Variants in EPB41L4A observed in about 807,000 individuals in gnomAD.
EPB41L4A encodes the protein band 4.1-like protein 4A.
In EPB41L4A, 100 loss-of-function variants were observed where a neutral mutation model predicts 108.6. That is an observed-to-expected ratio of 0.92 (90% CI 0.78 to 1.09). EPB41L4A has a LOEUF of 1.09. Ranked by LOEUF, EPB41L4A falls within the 50% of genes least tolerant of loss-of-function variation. The pLI is 0.00. For synonymous variants in EPB41L4A, 319 were observed against 289.0 expected (o/e 1.10, Z -1.05); for missense variants, 1,030 against 842.7 (o/e 1.22, Z -2.75).
intron 1 of EPB41L4A, among the ~76,000 whole-genome samples, chr5:112,334,335 C>A (rs937512573): frequency 1.3e-5 from 2 of 152,128 alleles, no homozygotes; most frequent in African/African-American, 4.8e-5. Context: ...GGGAAATTTA[C>A]ATTCTGTGTA....
chr5:112,364,042 T>C (rs1430331490), intron 1 of EPB41L4A, among the ~76,000 whole-genome samples: 2 of 152,226 alleles, frequency 1.3e-5, no homozygotes, highest in Admixed American at 1.3e-4. Context: ...CATTCATTTA[T>C]TTTTAGACGG....
intron 2 of EPB41L4A, among the ~76,000 whole-genome samples, chr5:112,282,016 A>G (rs1752995456): frequency 1.3e-5 from 2 of 152,230 alleles, no homozygotes; most frequent in African/African-American, 4.8e-5. Flanking sequence ...AATAAAAACT[A>G]AAATGTTCAT....
intron 1 of EPB41L4A, among the ~76,000 whole-genome samples, chr5:112,326,211 G>A (rs1756149858): frequency 6.6e-6 from 1 of 151,998 alleles, no homozygotes; most frequent in Non-Finnish European, 1.5e-5. Flanking sequence ...TCCACTGACT[G>A]CCTCTCTTTC....
At chr5:112,385,008 G>A (rs1396239444) in intron 1 of EPB41L4A, among the ~76,000 whole-genome samples, 1 of 152,212 alleles carries the variant, frequency 6.6e-6, no homozygotes, top group Non-Finnish European at 1.5e-5. Flanking sequence ...ACTTCAGGAA[G>A]ACACTGGAAG....
At chr5:112,211,434 T>G (rs1762737630) in intron 12 of EPB41L4A, among the ~76,000 whole-genome samples, 1 of 152,020 alleles carries the variant, frequency 6.6e-6, no homozygotes, top group Non-Finnish European at 1.5e-5. Context: ...ATATAAAAAT[T>G]AGCTGGGCAT....
In EPB41L4A at chr5:112,280,407, TAAACAACATTTTAAAACTTGGTC is replaced by T. The variant is rs1302380738; in HGVS notation, c.205-107_205-85del. On this transcript the variant is annotated intron_variant, in intron 2 of 22. Coordinates refer to ENST00000261486, the MANE Select transcript of EPB41L4A (RefSeq NM_022140.5). ...TCAAGAATATTTGCAAAATGTTATTTAAACAACATTTTAAAACTTGGTCAGTTAAACACTTCTCTCATATACAC... is the reference window on the plus strand; with the variant it reads ...TCAAGAATATTTGCAAAATGTTATTTAGTTAAACACTTCTCTCATATACAC... 4 of 1,267,442 alleles carry T rather than the reference TAAACAACATTTTAAAACTTGGTC, an allele frequency of 3.2e-6. No homozygotes were observed. In the African/African-American group the frequency reaches 5.9e-5, roughly 19 times the overall value. 78.5% of individuals were successfully genotyped at this position (1,267,442 alleles called of 1,614,324 possible). A position where few individuals can be genotyped will look rare whatever the true frequency, so the allele number is the denominator to read the frequency against.
intron 2 of EPB41L4A, among the ~76,000 whole-genome samples, chr5:112,289,312 A>G (rs143207847): frequency 6.6e-6 from 1 of 152,310 alleles, no homozygotes; most frequent in East Asian, 1.9e-4. Context: ...TTGCATTTTA[A>G]TCTGATCACC....
Position 112,397,485 on chromosome 5 carries a change from G to C in EPB41L4A, c.99+21456C>G, listed in dbSNP as rs1761438089. On this transcript the variant is annotated intron_variant, in intron 1 of 22. Coordinates refer to ENST00000261486, the MANE Select transcript of EPB41L4A (RefSeq NM_022140.5). ...GCAGAATATCAAGTGCATGTAAAGT[G>C]AGTGGCAGATGCAATATGAATATGA... Among the ~76,000 whole-genome samples the C allele has an allele frequency of 2.0e-5, 3 of 152,228 alleles. No individual in the cohort carries two copies. The South Asian group carries it at 6.2e-4, about 32-fold the overall frequency.
At chr5:112,181,800 C>T (rs1761171992) in intron 18 of EPB41L4A, among the ~76,000 whole-genome samples, 1 of 152,114 alleles carries the variant, frequency 6.6e-6, no homozygotes, top group Non-Finnish European at 1.5e-5. Flanking sequence ...GGACCAGGCG[C>T]AGTGGTGCAC....
intron 22 of EPB41L4A, among the ~76,000 whole-genome samples, chr5:112,168,156 C>T (rs749330694): frequency 1.6e-4 from 24 of 152,148 alleles, no homozygotes; most frequent in South Asian, 4.2e-4. Flanking sequence ...TCATGAGAGG[C>T]GGTATGAAAC....
At chr5:112,353,072 T>C (rs556163546) in intron 1 of EPB41L4A, among the ~76,000 whole-genome samples, 1 of 152,326 alleles carries the variant, frequency 6.6e-6, no homozygotes, top group African/African-American at 2.4e-5. Flanking sequence ...AGTGCCCATA[T>C]GTTTACTTCA....
chr5:112,279,108 T>C (rs1036056558), intron 3 of EPB41L4A, among the ~76,000 whole-genome samples: 2 of 150,916 alleles, frequency 1.3e-5, no homozygotes, highest in African/African-American at 4.9e-5. Context: ...ATTTTTCTGG[T>C]TTTCCAACTG....
intron 19 of EPB41L4A, 146 bp from the exon 20 acceptor site, chr5:112,170,515 T>C: frequency 1.6e-6 from 1 of 610,554 alleles, no homozygotes; most frequent in Non-Finnish European, 2.8e-6. Flanking sequence ...AAACTAAACG[T>C]GTTCAAGGAA....
At chr5:112,303,128 A>C (rs958319192) in intron 2 of EPB41L4A, among the ~76,000 whole-genome samples, 1 of 152,120 alleles carries the variant, frequency 6.6e-6, no homozygotes, top group Non-Finnish European at 1.5e-5. Flanking sequence ...TTGCAACAGG[A>C]CTCACATTAT....
intron 11 of EPB41L4A, among the ~76,000 whole-genome samples, chr5:112,238,862 T>A (rs2150377072): frequency 1.3e-5 from 2 of 152,324 alleles, no homozygotes; most frequent in Middle Eastern, 6.8e-3. Context: ...ACAAGACAAA[T>A]TCTTTTTCAA....
intron 9 of EPB41L4A, chr5:112,257,407 C>T (rs1751181147): frequency 6.6e-6 from 1 of 151,660 alleles, no homozygotes; most frequent in African/African-American, 2.4e-5. Flanking sequence ...CCTCCCCAGA[C>T]ATCCATTTCA....
At chr5:112,157,343 C>T (rs1017655937) in intron 12 of EPB41L4A, among the ~76,000 whole-genome samples, 9 of 152,098 alleles carry the variant, frequency 5.9e-5, no homozygotes, top group African/African-American at 2.2e-4. Context: ...GTTTCCACTC[C>T]TAATGAGAAA....
intron 15 of EPB41L4A, chr5:112,196,544 C>T (rs894298787): frequency 1.1e-4 from 17 of 152,226 alleles, no homozygotes; most frequent in African/African-American, 3.9e-4. Context: ...ACCAGCTCTT[C>T]ACTTCTCTTC....
At chr5:112,415,378 T>C (rs1156505495) in intron 1 of EPB41L4A, among the ~76,000 whole-genome samples, 1 of 152,150 alleles carries the variant, frequency 6.6e-6, no homozygotes, top group Non-Finnish European at 1.5e-5. Context: ...GCCATATTGG[T>C]TTCATTAGTT....
Sources: gnomAD v4.1 joint callset for allele counts (sites outside exome capture counted in the v4.1 genomes callset) on GRCh38, gnomAD v4.1.1 for gene constraint, MANE v1.5 for transcripts, NCBI Gene and HGNC (gene_info 2026-07-23, HGNC 2026-07-21) for gene names.